Variants in DYSF observed in about 807,000 individuals in gnomAD.
The protein encoded by DYSF is dystrophy-associated fer-1-like 1.
In DYSF, 212 loss-of-function variants were observed where a neutral mutation model predicts 274.9. The ratio of observed to expected loss-of-function variants is 0.77; its 90% CI spans 0.69 to 0.86. The LOEUF (loss-of-function observed/expected upper bound fraction) is 0.86. Ranked by LOEUF, DYSF falls within the 40% of genes least tolerant of loss-of-function variation. The pLI, the probability that DYSF is intolerant of heterozygous loss-of-function variation, is 0.00. For missense variants in DYSF, 2,666 were observed against 2,783.2 expected (o/e 0.96, Z 0.95); for synonymous variants, 1,091 against 1,078.7 (o/e 1.01, Z -0.22).
intron 3 of DYSF, among the ~76,000 whole-genome samples, chr2:71,495,217 G>A (rs1225135526): frequency 2.6e-5 from 4 of 152,180 alleles, no homozygotes; most frequent in African/African-American, 7.2e-5. Flanking sequence ...ACCTACAACC[G>A]TACCTGACCC....
intron 32 of DYSF, among the ~76,000 whole-genome samples, chr2:71,597,177 C>T (rs759748893): frequency 2.0e-5 from 3 of 152,178 alleles, no homozygotes; most frequent in Non-Finnish European, 4.4e-5. Flanking sequence ...CTGAGGCCAG[C>T]GACACAGAGG....
chr2:71,453,768 A>T, exon 1 of DYSF: 1 of 585,228 alleles, frequency 1.7e-6, no homozygotes, highest in Non-Finnish European at 3.1e-6. Context: ...GCCGGCTGAC[A>T]AGCGGGGTGA....
At chr2:71,627,648 T>G (rs192295933) in intron 41 of DYSF, among the ~76,000 whole-genome samples, 204 of 152,276 alleles carry the variant, frequency 1.3e-3, no homozygotes, top group Non-Finnish European at 2.5e-3. Context: ...GTGTGGTTTA[T>G]CAATTTCTGA....
intron 41 of DYSF, among the ~76,000 whole-genome samples, chr2:71,636,429 C>A (rs568889464): frequency 6.6e-6 from 1 of 152,150 alleles, no homozygotes; most frequent in East Asian, 1.9e-4. Context: ...GAGGTAGTGC[C>A]AGCATGAGTG....
intron 32 of DYSF, among the ~76,000 whole-genome samples, chr2:71,593,550 C>CA (rs2093331227): frequency 6.6e-6 from 1 of 152,228 alleles, no homozygotes; most frequent in African/African-American, 2.4e-5. Context: ...TAGAACACGT[C>CA]ACCAACACCA....
chr2:71,677,959 A>C (rs1289806312), intron 52 of DYSF, among the ~76,000 whole-genome samples: 2 of 152,240 alleles, frequency 1.3e-5, no homozygotes, highest in Non-Finnish European at 2.9e-5. Context: ...CCATCAACAG[A>C]TGAATGAATG....
chr2:71,672,950 CG>C (rs1558796720), intron 51 of DYSF, among the ~76,000 whole-genome samples: 1 of 152,180 alleles, frequency 6.6e-6, no homozygotes, highest in African/African-American at 2.4e-5. Flanking sequence ...CTAGTCCTCA[CG>C]GGGCAGGGGT....
intron 55 of DYSF, among the ~76,000 whole-genome samples, chr2:71,686,197 G>A (rs1349932613): frequency 1.3e-5 from 2 of 152,218 alleles, no homozygotes; most frequent in Non-Finnish European, 2.9e-5. Flanking sequence ...GGTGCGGGTG[G>A]AGTTTCGGAG....
chr2:71,595,133 A>C (rs1370019670), intron 32 of DYSF, among the ~76,000 whole-genome samples: 2 of 152,246 alleles, frequency 1.3e-5, no homozygotes, highest in South Asian at 2.1e-4. Flanking sequence ...TTTTCAGGGC[A>C]TAGTGCCCAA....
chr2:71,556,180 G>A (rs986029778), intron 22 of DYSF, 109 bp downstream of exon 22: 39 of 918,560 alleles, frequency 4.2e-5, no homozygotes, highest in African/African-American at 1.8e-4. Context: ...TCCCAGCCAC[G>A]CTTGGCCAGC....
At chr2:71,480,234 T>G (rs1357626769) in intron 1 of DYSF, among the ~76,000 whole-genome samples, 1 of 152,198 alleles carries the variant, frequency 6.6e-6, no homozygotes, top group South Asian at 2.1e-4. Context: ...GGGAGATTGT[T>G]CATTGTTAGA....
At chr2:71,474,475 A>C (rs765405364) in intron 1 of DYSF, among the ~76,000 whole-genome samples, 2 of 152,166 alleles carry the variant, frequency 1.3e-5, no homozygotes, top group Non-Finnish European at 2.9e-5. Flanking sequence ...CACATCTCTC[A>C]AGGCCTAAAT....
chr2:71,625,247 T>G, intron 41 of DYSF, among the ~76,000 whole-genome samples: 1 of 152,172 alleles, frequency 6.6e-6, no homozygotes, highest in East Asian at 1.9e-4. Context: ...CTCTCTCTTG[T>G]TTAGAAAAGA....
chr2:71,571,357 T>C (rs1292009639), intron 29 of DYSF, among the ~76,000 whole-genome samples: 2 of 94,550 alleles, frequency 2.1e-5, no homozygotes, highest in Non-Finnish European at 4.3e-5. Context: ...CACCCACAGA[T>C]CACACCCAGC....
intron 35 of DYSF, 97 bp from the exon 36 acceptor site, chr2:71,602,679 C>T (rs2093573905): frequency 2.2e-6 from 3 of 1,365,836 alleles, no homozygotes; most frequent in Non-Finnish European, 3.1e-6. Flanking sequence ...GACCTCTGGC[C>T]CCGCCTAGTG....
At chr2:71,584,777 G>A (rs978774301) in intron 30 of DYSF, among the ~76,000 whole-genome samples, 3 of 152,204 alleles carry the variant, frequency 2.0e-5, no homozygotes, top group Non-Finnish European at 4.4e-5. Flanking sequence ...GGCTGCTGCT[G>A]AAGGCTGGGC....
chr2:71,535,504 T>C (rs895975309), intron 16 of DYSF, among the ~76,000 whole-genome samples, 193 bp downstream of exon 16: 2 of 151,632 alleles, frequency 1.3e-5, no homozygotes, highest in African/African-American at 4.8e-5. Flanking sequence ...ACCTGCTTGT[T>C]GGGAGGTAGG....
In DYSF at chr2:71,484,904, T is replaced by C. The variant is rs10203931; in HGVS notation, c.239+2934T>C. 6.2e-3 allele frequency among the ~76,000 whole-genome samples: 939 copies of C among 152,248 alleles called. 6 individuals carry two copies. The highest frequency in any genetic ancestry group is 0.021 in the African/African-American group (867 of 41,542). Reference sequence around the variant, plus strand: ...TATGGGGAACGGGAAGCTTCGAACCTTGGGGTCCTCCCATTGGCCCCTGTG... The same window carrying C: ...TATGGGGAACGGGAAGCTTCGAACCCTGGGGTCCTCCCATTGGCCCCTGTG... On this transcript the variant is annotated intron_variant, in intron 3 of 55. Transcript: ENST00000410020.
intron 8 of DYSF, 47 bp from the exon 9 acceptor site, chr2:71,516,133 A>C: frequency 6.3e-7 from 1 of 1,579,068 alleles, no homozygotes; most frequent in Non-Finnish European, 8.7e-7. Context: ...CCCTGGCCTG[A>C]GGGATCAGCA....
Sources: allele counts gnomAD v4.1 joint callset (sites outside exome capture counted in the v4.1 genomes callset), GRCh38; gene constraint gnomAD v4.1.1; transcripts MANE v1.5; gene names NCBI Gene and HGNC (gene_info 2026-07-23, HGNC 2026-07-21).